Variants in PRSS23 observed in about 807,000 individuals in gnomAD.
PRSS23 encodes the protein serine protease 23.
Under a neutral mutation model 34.7 loss-of-function variants are expected in PRSS23, and 25 were observed. That is an observed-to-expected ratio of 0.72 (90% CI 0.53 to 1.01). The LOEUF (loss-of-function observed/expected upper bound fraction) is 1.01, where lower values mean the gene tolerates loss of function less well. Among genes scored for constraint, PRSS23 ranks in the 50% least tolerant of loss-of-function variants. PRSS23 has a pLI of 0.00. For missense variants in PRSS23, 445 were observed against 475.6 expected, an observed-to-expected ratio of 0.94 and a Z score of 0.60; for synonymous variants, 176 against 186.6, an observed-to-expected ratio of 0.94 and a Z score of 0.46.
chr11:86,863,815 G>C (rs1313628529), intron 2 of PRSS23, among the ~76,000 whole-genome samples: 1 of 152,180 alleles, frequency 6.6e-6, no homozygotes, highest in Non-Finnish European at 1.5e-5. Flanking sequence ...GCTGTGGGTA[G>C]AAGAATATAA....
chr11:86,952,049 AAGGCAGTGGAGATGAAACAC>A, exon 3 of PRSS23: 1 of 1,614,104 alleles, frequency 6.2e-7, no homozygotes, highest in African/African-American at 1.3e-5. Context: ...CAGTACTGTG[AAGGCAGTGGAGATGAAACAC>A]AGGCTGGCCC....
chr11:86,923,195 C>A (rs1440682651), intron 2 of PRSS23, among the ~76,000 whole-genome samples: 1 of 147,318 alleles, frequency 6.8e-6, no homozygotes, highest in Non-Finnish European at 1.5e-5. Flanking sequence ...GTGATCATTG[C>A]TCACTGCAAC....
At chr11:86,866,800 G>A (rs1043706741) in intron 2 of PRSS23, among the ~76,000 whole-genome samples, 4 of 152,162 alleles carry the variant, frequency 2.6e-5, no homozygotes, top group Admixed American at 6.5e-5. Flanking sequence ...AGAGCTGCTT[G>A]TTAAAAAGAG....
At chr11:86,879,745 G>A (rs1948758087) in intron 2 of PRSS23, among the ~76,000 whole-genome samples, 1 of 138,746 alleles carries the variant, frequency 7.2e-6, no homozygotes, top group East Asian at 2.2e-4. Context: ...CCCCCGCCCG[G>A]CCAGCCGCCC....
At position 86,810,199 on chromosome 11, in the gene PRSS23, C is replaced by G. The variant is rs1948161827; in HGVS notation, c.*1404C>G. On this transcript the variant is annotated 3_prime_UTR_variant, in exon 2 of 2. Transcript: ENST00000280258. ...ATGTTTTTATTTTATGGCTCTCGGC[C>G]TAAGCACTTCTTTCTAAATGTATCG... 6.0e-6 allele frequency: 1 copy of G among 166,864 alleles called. No homozygotes were observed. Among genetic ancestry groups the G allele is most frequent in the Admixed American group, 6.5e-5 (1 of 15,286 alleles). 10.3% of individuals were successfully genotyped at this position (166,864 alleles called of 1,614,324 possible).
chr11:86,891,515 T>C (rs1948840872), intron 2 of PRSS23, among the ~76,000 whole-genome samples: 1 of 152,210 alleles, frequency 6.6e-6, no homozygotes, highest in Non-Finnish European at 1.5e-5. Flanking sequence ...ATGTGTTCTC[T>C]GAGTTTTGGG....
chr11:86,873,369 T>C (rs1401921084), intron 2 of PRSS23, among the ~76,000 whole-genome samples: 1 of 151,694 alleles, frequency 6.6e-6, no homozygotes, highest in African/African-American at 2.4e-5. Flanking sequence ...CTCAGCTCAA[T>C]ACAACTTCTG....
At chr11:86,907,523 C>G (rs1212018473) in intron 2 of PRSS23, among the ~76,000 whole-genome samples, 1 of 152,094 alleles carries the variant, frequency 6.6e-6, no homozygotes, top group Non-Finnish European at 1.5e-5. Context: ...CTAGAGCACA[C>G]TGTGCCATCA....
chr11:86,915,550 A>G (rs1344455999), intron 2 of PRSS23, among the ~76,000 whole-genome samples: 4 of 148,290 alleles, frequency 2.7e-5, no homozygotes, highest in Non-Finnish European at 4.5e-5. Context: ...TATATATTAT[A>G]TATATAAAAC....
intron 2 of PRSS23, among the ~76,000 whole-genome samples, chr11:86,939,972 A>C (rs1949196455): frequency 6.6e-6 from 1 of 152,216 alleles, no homozygotes; most frequent in African/African-American, 2.4e-5. Context: ...AAGAAACAAA[A>C]TCTACATGGG....
At chr11:86,902,051 CAGAGT>C (rs140122089) in intron 2 of PRSS23, among the ~76,000 whole-genome samples, 3,060 of 152,210 alleles carry the variant, frequency 0.02, 30 homozygotes, top group Middle Eastern at 0.031. Flanking sequence ...GTGCTGAGCA[CAGAGT>C]AGATTGTCAA....
chr11:86,887,844 G>T (rs1948813501), intron 2 of PRSS23, among the ~76,000 whole-genome samples: 1 of 152,124 alleles, frequency 6.6e-6, no homozygotes, highest in Admixed American at 6.5e-5. Flanking sequence ...CTGAGGTCAG[G>T]CGTTCGAGAC....
intron 2 of PRSS23, among the ~76,000 whole-genome samples, chr11:86,830,483 G>A (rs1321913815): frequency 6.6e-6 from 1 of 152,044 alleles, no homozygotes; most frequent in African/African-American, 2.4e-5. Context: ...GCTCGCACAT[G>A]GTGCACTGCA....
At chr11:86,893,339 T>C (rs537483433) in intron 2 of PRSS23, among the ~76,000 whole-genome samples, 6 of 152,278 alleles carry the variant, frequency 3.9e-5, no homozygotes, top group African/African-American at 1.4e-4. Context: ...AACTAATACA[T>C]ATAAGTATCT....
At chr11:86,821,294 A>G (rs1948249651) in intron 1 of PRSS23, 1 of 565,608 alleles carries the variant, frequency 1.8e-6, no homozygotes, top group Non-Finnish European at 3.0e-6. Flanking sequence ...ATATTCATCA[A>G]ATATCTACCA....
At chr11:86,927,179 G>A (rs1361084770) in intron 2 of PRSS23, among the ~76,000 whole-genome samples, 8 of 152,156 alleles carry the variant, frequency 5.3e-5, no homozygotes, top group Admixed American at 1.3e-4. Context: ...GCAGAGAGGA[G>A]GAGAGTAGTC....
chr11:86,943,405 G>T (rs1227294412), intron 2 of PRSS23, among the ~76,000 whole-genome samples: 1 of 152,094 alleles, frequency 6.6e-6, no homozygotes, highest in Non-Finnish European at 1.5e-5. Context: ...CGGGAGGATC[G>T]CCTGAGGTCA....
At chr11:86,799,751 T>G (rs1273056765), upstream of PRSS23, among the ~76,000 whole-genome samples, 7 of 150,270 alleles carry the variant, frequency 4.7e-5, no homozygotes, top group African/African-American at 1.7e-4. Flanking sequence ...TTCAGGGAAG[T>G]AGGCCCACTG....
chr11:86,851,701 A>G (rs1331065743), intron 2 of PRSS23, among the ~76,000 whole-genome samples: 2 of 152,250 alleles, frequency 1.3e-5, no homozygotes, highest in African/African-American at 4.8e-5. Flanking sequence ...GACTACACAG[A>G]TGAAATGAAA....
Sources: gnomAD v4.1 joint callset for allele counts (sites outside exome capture counted in the v4.1 genomes callset) on GRCh38, gnomAD v4.1.1 for gene constraint, MANE v1.5 for transcripts, NCBI Gene and HGNC (gene_info 2026-07-23, HGNC 2026-07-21) for gene names.